TMEM132C: variants seen among roughly 807,000 people sequenced by gnomAD.
TMEM132C encodes the protein protein phosphatase 1, regulatory subunit 152.
TMEM132C carries 29 observed loss-of-function variants against 61.4 expected under a neutral mutation model. That is an observed-to-expected ratio of 0.47 (90% confidence interval 0.35 to 0.64). TMEM132C has a LOEUF of 0.64. TMEM132C is among the 30% of genes least tolerant of loss of function. The pLI is 0.00. For synonymous variants in TMEM132C, 656 were observed against 633.1 expected, an observed-to-expected ratio of 1.04 and a Z score of -0.54; for missense variants, 1,408 against 1,476.9, an observed-to-expected ratio of 0.95 and a Z score of 0.76.
chr12:128,480,414 C>A (rs1474277300), intron 2 of TMEM132C, among the ~76,000 whole-genome samples: 2 of 152,082 alleles, frequency 1.3e-5, no homozygotes, highest in Non-Finnish European at 2.9e-5. Flanking sequence ...AGTAAGCTTG[C>A]GCCCAAAGTC....
intron 4 of TMEM132C, among the ~76,000 whole-genome samples, chr12:128,640,578 A>G (rs148137029): frequency 2.4e-4 from 37 of 152,306 alleles, no homozygotes; most frequent in Middle Eastern, 3.4e-3. Flanking sequence ...CTGAGAATCT[A>G]CTAAAAACCA....
In TMEM132C at chr12:128,305,983, G is replaced by T. The variant is rs1032084574; in HGVS notation, c.85+38496G>T. On this transcript the variant is annotated intron_variant, in intron 1 of 8. Transcript: ENST00000435159. ...TTTTCAGGGCTTGAGACTTAATTTA[G>T]GCTTTTAAAATCTCTGATTGTGTGC... Among the ~76,000 whole-genome samples the T allele has an allele frequency of 2.0e-5, 3 of 152,174 alleles. No homozygotes were observed. The East Asian group carries it at 5.8e-4, about 29-fold the overall frequency.
intron 2 of TMEM132C, among the ~76,000 whole-genome samples, chr12:128,451,100 A>G (rs2136057615): frequency 6.6e-6 from 1 of 152,336 alleles, no homozygotes; most frequent in Middle Eastern, 3.4e-3. Context: ...AGCCCCATTG[A>G]AAGATTGGTA....
chr12:128,269,327 C>G (rs1301086452), intron 1 of TMEM132C, among the ~76,000 whole-genome samples: 1 of 133,936 alleles, frequency 7.5e-6, no homozygotes, highest in Non-Finnish European at 1.5e-5. Context: ...GTGGACTGTT[C>G]TTCATTAAGG....
At chr12:128,608,687 G>C (rs1359213059) in intron 3 of TMEM132C, among the ~76,000 whole-genome samples, 2 of 152,200 alleles carry the variant, frequency 1.3e-5, no homozygotes, top group African/African-American at 4.8e-5. Context: ...AATCACTTAA[G>C]TTTAAAAATT....
chr12:128,674,705 G>A (rs12304603), intron 5 of TMEM132C, among the ~76,000 whole-genome samples: 26,181 of 152,044 alleles, frequency 0.17, 2,265 homozygotes, highest in Middle Eastern at 0.27. Flanking sequence ...AGTTATTGGC[G>A]TACAGGTGGT....
intron 2 of TMEM132C, among the ~76,000 whole-genome samples, chr12:128,524,512 T>C (rs1007821633): frequency 2.0e-5 from 3 of 152,184 alleles, no homozygotes; most frequent in African/African-American, 7.2e-5. Context: ...CACCTTTTTT[T>C]TCAACTAAGA....
chr12:128,298,354 G>T (rs1306260327), intron 1 of TMEM132C, among the ~76,000 whole-genome samples: 1 of 152,122 alleles, frequency 6.6e-6, no homozygotes, highest in African/African-American at 2.4e-5. Flanking sequence ...AACTGGTACA[G>T]CGCAAAATGT....
intron 3 of TMEM132C, among the ~76,000 whole-genome samples, chr12:128,590,406 G>A (rs1875708358): frequency 6.6e-6 from 1 of 152,000 alleles, no homozygotes. Context: ...CAGAAACTGT[G>A]CAGGTGGAGA....
chr12:128,539,005 A>G (rs1411071710), intron 2 of TMEM132C, among the ~76,000 whole-genome samples: 1 of 152,078 alleles, frequency 6.6e-6, no homozygotes, highest in African/African-American at 2.4e-5. Flanking sequence ...GATTTTCTGT[A>G]TATTTAGCTC....
At chr12:128,398,746 G>A (rs970632652) in intron 1 of TMEM132C, among the ~76,000 whole-genome samples, 1 of 152,154 alleles carries the variant, frequency 6.6e-6, no homozygotes, top group Non-Finnish European at 1.5e-5. Context: ...GATGTTGAAA[G>A]TACAAAGAAG....
At chr12:128,524,599 T>C (rs182589274) in intron 2 of TMEM132C, among the ~76,000 whole-genome samples, 5 of 152,296 alleles carry the variant, frequency 3.3e-5, no homozygotes, top group African/African-American at 4.8e-5. Flanking sequence ...AATTTGTGAA[T>C]TGGGAGAAAA....
intron 3 of TMEM132C, among the ~76,000 whole-genome samples, chr12:128,598,930 T>G (rs1276688261): frequency 1.3e-5 from 2 of 152,156 alleles, no homozygotes; most frequent in African/African-American, 4.8e-5. Context: ...TTCCTGCCCT[T>G]CCTTCGTTGA....
rs1383162781 is a variant in TMEM132C at position 128,340,918 on chromosome 12, C to CTCTT, written c.85+73434_85+73435insTTCT. Among the ~76,000 whole-genome samples the CTCTT allele has an allele frequency of 6.6e-3, 296 of 44,544 alleles. 3 individuals are homozygous for CTCTT. The highest frequency in any genetic ancestry group is 0.017 in the African/African-American group (289 of 16,980). 29.2% of individuals were successfully genotyped at this position (44,544 alleles called of 152,430 possible). The stretch of plus-strand genomic sequence containing the variant: ...TCTTTCTCTCTTTCTCTCTCTCTTT[C>CTCTT]TCTCTCTCTCTCTCTCTCTCTCTCT... On this transcript the variant is annotated intron_variant, in intron 1 of 8. Coordinates refer to ENST00000435159, the MANE Select transcript of TMEM132C (RefSeq NM_001136103.3).
intron 4 of TMEM132C, among the ~76,000 whole-genome samples, chr12:128,638,566 G>A (rs184258059): frequency 1.3e-5 from 2 of 152,210 alleles, no homozygotes; most frequent in Non-Finnish European, 2.9e-5. Context: ...TTCATTTTAC[G>A]GGTGAGGGCA....
intron 2 of TMEM132C, among the ~76,000 whole-genome samples, chr12:128,483,348 C>A: frequency 3.4e-5 from 1 of 29,104 alleles, no homozygotes. Flanking sequence ...GAAGCTTGCT[C>A]AAGAGGCACA....
In TMEM132C at chr12:128,651,012, TCAGATGGGGACTG is replaced by T. The variant is rs1231501524; in HGVS notation, c.1306-18399_1306-18387del. ...CAGCATGGGTATAAATCTCCACCCC[TCAGATGGGGACTG>T]CAGATTCAAACCATGACTTGCTGTC... On this transcript the variant is annotated intron_variant, in intron 4 of 8. Transcript: ENST00000435159. Among the ~76,000 whole-genome samples the T allele has an allele frequency of 3.3e-5, 5 of 152,224 alleles. No individual in the cohort carries two copies. The East Asian group carries it at 9.7e-4, about 29-fold the overall frequency.
At chr12:128,675,621 C>T (rs1206922025) in intron 5 of TMEM132C, among the ~76,000 whole-genome samples, 1 of 152,142 alleles carries the variant, frequency 6.6e-6, no homozygotes, top group African/African-American at 2.4e-5. Context: ...CAGTCTCTCT[C>T]TCTCTTTCTC....
chr12:128,278,196 G>A lies in TMEM132C; in HGVS notation c.85+10709G>A, dbSNP rs12302898. Among the ~76,000 whole-genome samples the A allele has an allele frequency of 0.067, 10,267 of 152,140 alleles. 1,008 individuals carry two copies. The highest frequency in any genetic ancestry group is 0.22 in the African/African-American group (9,010 of 41,480). On this transcript the variant is annotated intron_variant, in intron 1 of 8. Coordinates refer to ENST00000435159, the MANE Select transcript of TMEM132C (RefSeq NM_001136103.3). The surrounding 1 kb of genome is among the most constrained non-coding windows in gnomAD (Gnocchi z 4.2). ...AAATCTCAGGGGAAGTCTATGTTTC[G>A]GGGCATTTGTTCTGCTCCGGCTTTG...
Sources: gnomAD v4.1 joint callset for allele counts (sites outside exome capture counted in the v4.1 genomes callset) on GRCh38, gnomAD v4.1.1 for gene constraint, Gnocchi (gnomAD v3.1) non-coding constraint, MANE v1.5 for transcripts, NCBI Gene and HGNC (gene_info 2026-07-23, HGNC 2026-07-21) for gene names.